The following NKAIN2 variants were observed in gnomAD, a reference collection of about 807,000 sequenced individuals.
NKAIN2 encodes sodium/potassium transporting ATPase interacting 2, also known as sodium/potassium-transporting ATPase subunit beta-1-interacting protein 2.
A neutral mutation model predicts 32.6 loss-of-function variants in NKAIN2; 14 were observed. The observed-to-expected ratio is 0.43, with a 90% confidence interval of 0.28 to 0.67. The LOEUF is 0.67. Ranked by LOEUF, NKAIN2 falls within the 30% of genes least tolerant of loss-of-function variation. The pLI is 0.17. For synonymous variants in NKAIN2, 80 were observed against 87.2 expected (o/e 0.92, Z 0.46); for missense variants, 198 against 258.3 (o/e 0.77, Z 1.60).
chr6:124,055,004 G>A (rs1463572220), intron 1 of NKAIN2, among the ~76,000 whole-genome samples: 1 of 152,070 alleles, frequency 6.6e-6, no homozygotes, highest in African/African-American at 2.4e-5. Context: ...TATTGGATAT[G>A]TGTTTCAGCC....
chr6:124,570,332 C>T (rs2114915764), intron 3 of NKAIN2, among the ~76,000 whole-genome samples: 1 of 152,268 alleles, frequency 6.6e-6, no homozygotes, highest in East Asian at 1.9e-4. Flanking sequence ...TAGCAAGGAG[C>T]ATAATGTTAA....
chr6:124,729,162 T>C (rs887006251), intron 4 of NKAIN2, among the ~76,000 whole-genome samples: 7 of 152,180 alleles, frequency 4.6e-5, no homozygotes, highest in Non-Finnish European at 1.0e-4. Flanking sequence ...CTTCTGAAAC[T>C]ATTCCAATCA....
At chr6:123,957,193 C>A (rs980912910) in intron 1 of NKAIN2, among the ~76,000 whole-genome samples, 5 of 152,052 alleles carry the variant, frequency 3.3e-5, no homozygotes, top group African/African-American at 1.2e-4. Flanking sequence ...GCTATGAAAG[C>A]ACAGCATAGT....
intron 1 of NKAIN2, among the ~76,000 whole-genome samples, chr6:123,976,249 A>G (rs1191079197): frequency 1.0e-5 from 1 of 99,396 alleles, no homozygotes; most frequent in African/African-American, 4.6e-5. Flanking sequence ...TAGCAAGAAC[A>G]TATATATATA....
At chr6:123,887,862 G>C (rs543205466) in intron 1 of NKAIN2, among the ~76,000 whole-genome samples, 11 of 152,168 alleles carry the variant, frequency 7.2e-5, no homozygotes, top group African/African-American at 2.6e-4. Context: ...TAAGACCATG[G>C]GCTGGGGAGC....
intron 1 of NKAIN2, among the ~76,000 whole-genome samples, chr6:123,866,425 A>G (rs1299991242): frequency 6.6e-6 from 1 of 152,142 alleles, no homozygotes. Context: ...TAGCAAACAT[A>G]ATACACTTTT....
chr6:123,858,508 C>T (rs940470517), intron 1 of NKAIN2, among the ~76,000 whole-genome samples: 3 of 152,136 alleles, frequency 2.0e-5, no homozygotes, highest in Non-Finnish European at 4.4e-5. Context: ...TTTCCAAATA[C>T]ATATTTACAT....
chr6:124,576,826 T>A (rs1781353613), intron 3 of NKAIN2, among the ~76,000 whole-genome samples: 1 of 152,152 alleles, frequency 6.6e-6, no homozygotes, highest in Non-Finnish European at 1.5e-5. Context: ...AAAATTAAGT[T>A]AAAATGAATC....
chr6:124,518,839 A>C (rs1456112704), intron 3 of NKAIN2, among the ~76,000 whole-genome samples: 1 of 152,212 alleles, frequency 6.6e-6, no homozygotes, highest in East Asian at 1.9e-4. Context: ...AATTGAAGGG[A>C]TTTTGAAAGA....
chr6:124,413,659 A>G (rs1774325799), intron 3 of NKAIN2, among the ~76,000 whole-genome samples: 1 of 152,178 alleles, frequency 6.6e-6, no homozygotes, highest in Non-Finnish European at 1.5e-5. Flanking sequence ...TTCTAATAAT[A>G]TTAAGTGTTC....
chr6:124,811,992 G>A (rs1352280496), intron 5 of NKAIN2, among the ~76,000 whole-genome samples: 1 of 152,020 alleles, frequency 6.6e-6, no homozygotes, highest in Non-Finnish European at 1.5e-5. Context: ...CCTCTGTTTA[G>A]GGTCCTATAA....
At chr6:124,367,049 C>T (rs1008325197) in intron 3 of NKAIN2, among the ~76,000 whole-genome samples, 1 of 152,014 alleles carries the variant, frequency 6.6e-6, no homozygotes, top group Non-Finnish European at 1.5e-5. Flanking sequence ...TTCCATCTCT[C>T]TTTCTAAACT....
At chr6:123,952,360 T>C (rs2114587540) in intron 1 of NKAIN2, among the ~76,000 whole-genome samples, 1 of 152,282 alleles carries the variant, frequency 6.6e-6, no homozygotes, top group South Asian at 2.1e-4. Context: ...AGTTTGTCTA[T>C]AGTATGCCAC....
chr6:124,425,842 A>G (rs779074841), intron 3 of NKAIN2, among the ~76,000 whole-genome samples: 1 of 152,166 alleles, frequency 6.6e-6, no homozygotes, highest in Non-Finnish European at 1.5e-5. Flanking sequence ...GAGAACCCTT[A>G]TTGTAAAGAC....
intron 1 of NKAIN2, among the ~76,000 whole-genome samples, chr6:124,209,786 T>C (rs1004069025): frequency 5.3e-5 from 8 of 151,792 alleles, no homozygotes; most frequent in African/African-American, 1.9e-4. Flanking sequence ...AGATCTTGTA[T>C]CTATTTTAAT....
intron 3 of NKAIN2, among the ~76,000 whole-genome samples, chr6:124,524,913 C>G (rs931105328): frequency 6.6e-6 from 1 of 152,138 alleles, no homozygotes; most frequent in African/African-American, 2.4e-5. Context: ...ATGTAGATGT[C>G]AGATAAAATC....
At chr6:124,383,848 T>C (rs890466055) in intron 3 of NKAIN2, among the ~76,000 whole-genome samples, 2 of 152,190 alleles carry the variant, frequency 1.3e-5, no homozygotes, top group African/African-American at 4.8e-5. Flanking sequence ...TAGGAAAAGC[T>C]TGGACCATCA....
At chr6:124,439,185 A>G (rs894815512) in intron 3 of NKAIN2, among the ~76,000 whole-genome samples, 2 of 152,098 alleles carry the variant, frequency 1.3e-5, no homozygotes, top group African/African-American at 4.8e-5. Flanking sequence ...CTCTAAAGAA[A>G]CCTAGCTTGG....
At chr6:123,905,273 G>A (rs1413140809) in intron 1 of NKAIN2, among the ~76,000 whole-genome samples, 7 of 151,924 alleles carry the variant, frequency 4.6e-5, no homozygotes, top group Admixed American at 4.6e-4. Context: ...AAGTGCTTTG[G>A]GGTTGACATA....
Sources: gnomAD v4.1 joint callset for allele counts (sites outside exome capture counted in the v4.1 genomes callset) on GRCh38, gnomAD v4.1.1 for gene constraint, MANE v1.5 for transcripts, NCBI Gene and HGNC (gene_info 2026-07-23, HGNC 2026-07-21) for gene names.